Variants in HDAC9 observed in about 807,000 individuals in gnomAD.
HDAC9 encodes histone deacetylase 9.
Under a neutral mutation model 139.4 loss-of-function variants are expected in HDAC9, and 41 were observed. The observed-to-expected ratio is 0.29, with a 90% CI of 0.23 to 0.38. The LOEUF (loss-of-function observed/expected upper bound fraction) is 0.38, where lower values mean the gene tolerates loss of function less well. HDAC9 is among the 10% of genes least tolerant of loss of function. The pLI is 1.00. For synonymous variants in HDAC9, 517 were observed against 476.2 expected (o/e 1.09, Z -1.12); for missense variants, 1,147 against 1,297.0 (o/e 0.88, Z 1.78).
chr7:18,290,523 T>G (rs755022228), intron 1 of HDAC9: 15 of 456,496 alleles, frequency 3.3e-5, no homozygotes, highest in Non-Finnish European at 4.4e-5. Flanking sequence ...CGGGTAAGTT[T>G]CTTTATTTTA....
chr7:18,833,076 TC>T (rs1286252698), intron 19 of HDAC9, among the ~76,000 whole-genome samples: 1 of 152,124 alleles, frequency 6.6e-6, no homozygotes, highest in Non-Finnish European at 1.5e-5. Flanking sequence ...TGTGAGTTGT[TC>T]CCCCAAACAA....
chr7:18,368,957 C>G (rs965337608), intron 1 of HDAC9, among the ~76,000 whole-genome samples: 1 of 152,048 alleles, frequency 6.6e-6, no homozygotes, highest in African/African-American at 2.4e-5. Context: ...TGTATTCCAT[C>G]TGCTATTAGT....
At chr7:18,237,721 A>G (rs149247438) in intron 2 of HDAC9, among the ~76,000 whole-genome samples, 10 of 152,360 alleles carry the variant, frequency 6.6e-5, no homozygotes, top group African/African-American at 2.4e-4. Flanking sequence ...AAATTTAGAC[A>G]ATTGCAATGA....
intron 2 of HDAC9, among the ~76,000 whole-genome samples, chr7:18,237,902 T>C (rs1377782842): frequency 6.6e-6 from 1 of 152,174 alleles, no homozygotes; most frequent in Non-Finnish European, 1.5e-5. Context: ...CATCAGTAGG[T>C]AGGTGATCAT....
intron 2 of HDAC9, among the ~76,000 whole-genome samples, chr7:18,279,484 G>T (rs1387432001): frequency 5.3e-5 from 8 of 151,252 alleles, no homozygotes. Flanking sequence ...TTTTTTTGAG[G>T]CAAAGTCTCA....
chr7:18,689,462 GA>G (rs1232143531), intron 12 of HDAC9, among the ~76,000 whole-genome samples: 4 of 151,892 alleles, frequency 2.6e-5, no homozygotes, highest in African/African-American at 9.7e-5. Flanking sequence ...CAAAGAGGAA[GA>G]AAAATGATTA....
At chr7:18,410,239 C>G (rs1236898442) in intron 1 of HDAC9, among the ~76,000 whole-genome samples, 1 of 152,010 alleles carries the variant, frequency 6.6e-6, no homozygotes, top group African/African-American at 2.4e-5. Flanking sequence ...GATGGAGCAG[C>G]AAGGGAGGTG....
intron 23 of HDAC9, among the ~76,000 whole-genome samples, chr7:18,938,483 T>C (rs1305017976): frequency 2.6e-5 from 4 of 151,360 alleles, no homozygotes; most frequent in Non-Finnish European, 5.9e-5. Flanking sequence ...TAGTCCCAGC[T>C]ACTCCGGAGC....
rs113236064 is a variant in HDAC9, at chr7:18,162,016, C to G, written c.-96-213C>G. Among the ~76,000 whole-genome samples the G allele has an allele frequency of 5.3e-5, 8 of 152,238 alleles. 1 individual carries two copies. Among genetic ancestry groups the G allele is most frequent in the African/African-American group, 1.9e-4 (8 of 41,540 alleles). On this transcript the variant is annotated intron_variant, in intron 1 of 12. Coordinates refer to the HDAC9 transcript ENST00000417496. ...CTTCTATACCTATTATTTTATTTCT[C>G]TGTTCACAATATTCCTGTGCTATAA...
chr7:18,198,654 G>T (rs937304995), intron 2 of HDAC9, among the ~76,000 whole-genome samples: 4 of 152,152 alleles, frequency 2.6e-5, no homozygotes, highest in African/African-American at 9.6e-5. Context: ...ATCAATATGT[G>T]ATGGTTAAAT....
Position 18,939,424 on chromosome 7 carries a change from T to A in HDAC9, c.2937+3482T>A, listed in dbSNP as rs1181901176. Among the ~76,000 whole-genome samples, 5 of 152,274 alleles carry A rather than the reference T, an allele frequency of 3.3e-5. No homozygotes were observed. The South Asian group carries it at 1.0e-3, about 32-fold the overall frequency. On this transcript the variant is annotated intron_variant, in intron 23 of 25. Transcript: ENST00000686413. ...GTGAAAAATTAAAGAAAAATACAAA[T>A]GTGTTGTACATTATAATTCATTTGG...
At chr7:18,178,455 A>G (rs930886089) in intron 2 of HDAC9, among the ~76,000 whole-genome samples, 1 of 152,168 alleles carries the variant, frequency 6.6e-6, no homozygotes, top group African/African-American at 2.4e-5. Context: ...ATTGTTTGCA[A>G]GACTTGTGGT....
At chr7:18,508,692 T>C (rs935246246) in intron 2 of HDAC9, among the ~76,000 whole-genome samples, 6 of 152,210 alleles carry the variant, frequency 3.9e-5, no homozygotes, top group Admixed American at 3.3e-4. Context: ...ACAGTTTCTC[T>C]TTCTCAGAAA....
chr7:18,127,328 T>C (rs1457883772), intron 1 of HDAC9: 1 of 170,348 alleles, frequency 5.9e-6, no homozygotes, highest in African/African-American at 2.4e-5. Flanking sequence ...GAAATTTATA[T>C]TTAAGTGGGT....
chr7:18,517,567 A>T (rs1384918367), intron 2 of HDAC9: 1 of 152,168 alleles, frequency 6.6e-6, no homozygotes, highest in African/African-American at 2.4e-5. Context: ...ATTAGCTGTA[A>T]TCTATTACAC....
chr7:18,187,987 A>G (rs1415664029), intron 2 of HDAC9, among the ~76,000 whole-genome samples: 1 of 152,220 alleles, frequency 6.6e-6, no homozygotes, highest in Non-Finnish European at 1.5e-5. Context: ...TCACAGAATT[A>G]GAAAAAACTA....
chr7:18,762,423 C>T, intron 15 of HDAC9, 146 bp downstream of exon 15: 1 of 744,302 alleles, frequency 1.3e-6, no homozygotes, highest in East Asian at 2.7e-5. Flanking sequence ...GAGTCATTTG[C>T]AACAGAAGCC....
chr7:18,772,729 T>G (rs564221613), intron 16 of HDAC9, among the ~76,000 whole-genome samples: 1 of 152,086 alleles, frequency 6.6e-6, no homozygotes, highest in African/African-American at 2.4e-5. Flanking sequence ...TTGATGCAAT[T>G]GATACTAGCA....
chr7:18,859,931 C>T (rs1049887275), intron 21 of HDAC9, among the ~76,000 whole-genome samples: 2 of 141,858 alleles, frequency 1.4e-5, no homozygotes, highest in African/African-American at 5.2e-5. Context: ...AGCCAAAGTC[C>T]TTTGGCTTTA....
Sources: allele counts gnomAD v4.1 joint callset (sites outside exome capture counted in the v4.1 genomes callset), GRCh38; gene constraint gnomAD v4.1.1; transcripts MANE v1.5; gene names NCBI Gene and HGNC (gene_info 2026-07-23, HGNC 2026-07-21).